Variants in HTT observed in about 807,000 individuals in gnomAD.
HTT encodes huntingtin.
In HTT, 104 loss-of-function variants were observed where a neutral mutation model predicts 362.3. The observed-to-expected ratio is 0.29, with a 90% CI of 0.24 to 0.34. The LOEUF (loss-of-function observed/expected upper bound fraction) is 0.34, where lower values mean the gene tolerates loss of function less well. Ranked by LOEUF, HTT falls within the 10% of genes least tolerant of loss-of-function variation. The pLI is 1.00. For synonymous variants in HTT, 1,577 were observed against 1,548.7 expected, an observed-to-expected ratio of 1.02 and a Z score of -0.43; for missense variants, 3,301 against 3,928.6, an observed-to-expected ratio of 0.84 and a Z score of 4.27.
At position 3,131,352 on chromosome 4, in the gene HTT, G is replaced by A. The variant is rs1452176742; in HGVS notation, c.2053G>A (p.Val685Ile). 1.2e-6 allele frequency: 2 copies of A among 1,613,924 alleles called. No individual in the cohort carries two copies. The highest frequency in any genetic ancestry group is 1.3e-5 in the African/African-American group (1 of 74,864). ...DDDSAPLVHC[V>I]RLLSASFLLT... ...TGACTCTGCACCTCTTGTCCATTGT[G>A]TCCGCCTTTTATCTGCTTCGTTTTT... Residue 685 changes from valine to isoleucine, a missense_variant, in exon 15 of 67, where the codon GTC becomes ATC. Transcript: ENST00000355072.
intron 1 of HTT, among the ~76,000 whole-genome samples, chr4:3,080,256 A>G (rs1465441078): frequency 6.6e-6 from 1 of 152,040 alleles, no homozygotes; most frequent in Non-Finnish European, 1.5e-5. Context: ...CACCATGCCC[A>G]GCTAATTTTT....
At chr4:3,217,334 A>T (rs1455035355) in intron 51 of HTT, among the ~76,000 whole-genome samples, 1 of 152,190 alleles carries the variant, frequency 6.6e-6, no homozygotes, top group Non-Finnish European at 1.5e-5. Context: ...GACCTAGGAA[A>T]GCCAGTGAAG....
intron 26 of HTT, among the ~76,000 whole-genome samples, chr4:3,151,816 C>T (rs1368843022): frequency 1.3e-5 from 2 of 152,230 alleles, no homozygotes; most frequent in Non-Finnish European, 2.9e-5. Context: ...ACACATAATA[C>T]ATGTACATAT....
chr4:3,217,915 TG>T lies in HTT; in HGVS notation c.7206del (p.Val2405SerfsTer52), dbSNP rs1720491108. 6.2e-7 allele frequency: 1 copy of T among 1,613,324 alleles called. No individual in the cohort carries two copies. ...AACATCATCATCAGCCTGGCCCGCC[TG>T]CCCCTTGTCAACAGCTACACACGTG... is the stretch of plus-strand genomic sequence containing the variant. The part of the protein sequence containing the change: ...LRNIIISLAR[L>X]PLVNSYTRVP... On this transcript the variant is annotated frameshift_variant, in exon 52 of 67. Coordinates refer to ENST00000355072, the MANE Select transcript of HTT (RefSeq NM_001388492.1). LOFTEE classifies it high-confidence loss of function.
In HTT at chr4:3,115,210, T is replaced by C. The variant is rs1280630518; in HGVS notation, c.748-94T>C. The C allele has an allele frequency of 3.1e-6, 4 of 1,294,172 alleles. No individual in the cohort carries two copies. In the African/African-American group the frequency reaches 4.4e-5, roughly 14 times the overall value. The allele number at this position is 1,294,172 out of a possible 1,614,324, so 80.2% of individuals were successfully genotyped here. On this transcript the variant is annotated intron_variant, in intron 6 of 66. Transcript: ENST00000355072. ...TCAAACTGTTTATACTTTGCAAGAA[T>C]TGGAAACTTCTAATTCACGTTAAGT... is the stretch of plus-strand genomic sequence containing the variant.
At chr4:3,230,078 A>C (rs1721177636) in intron 60 of HTT, 36 bp downstream of exon 60, 1 of 1,590,750 alleles carries the variant, frequency 6.3e-7, no homozygotes, top group Admixed American at 1.7e-5. Context: ...TCTGTGCTGA[A>C]GCCACGGGGG....
chr4:3,143,436 C>CAAAAAAAAAAAA (rs1056047426), intron 23 of HTT, among the ~76,000 whole-genome samples: 6 of 70,182 alleles, frequency 8.5e-5, no homozygotes, highest in Admixed American at 1.6e-4. Flanking sequence ...GACTCTGTCT[C>CAAAAAAAAAAAA]AAAAAAAAAA....
chr4:3,115,725 G>C (rs1460739537), intron 7 of HTT, among the ~76,000 whole-genome samples: 1 of 152,260 alleles, frequency 6.6e-6, no homozygotes, highest in Non-Finnish European at 1.5e-5. Flanking sequence ...ACTATGGTGA[G>C]TCTTGTAGGC....
In HTT at chr4:3,241,558, C is replaced by A. The variant is rs963329253; in HGVS notation, c.*1499C>A. The A allele has an allele frequency of 1.3e-5, 2 of 152,246 alleles. No homozygotes were observed. The highest frequency in any genetic ancestry group is 2.9e-5 in the Non-Finnish European group (2 of 68,066). The allele number at this position is 152,246 out of a possible 1,614,324, so 9.4% of individuals were successfully genotyped here. The stretch of plus-strand genomic sequence containing the variant: ...CTAGAGGCGAGCCAGGCAAGGTTGG[C>A]GACTGTCATGTGGCTTGGTTTGGTC... On this transcript the variant is annotated 3_prime_UTR_variant, in exon 67 of 67. Coordinates refer to ENST00000355072, the MANE Select transcript of HTT (RefSeq NM_001388492.1).
At chr4:3,105,540 C>A in intron 5 of HTT, 104 bp downstream of exon 5, 1 of 796,210 alleles carries the variant, frequency 1.3e-6, no homozygotes, top group Non-Finnish European at 2.2e-6. Flanking sequence ...CTGCCCTCTC[C>A]AAATTGCAGT....
At chr4:3,230,084 G>C (rs989393306) in intron 60 of HTT, 42 bp downstream of exon 60, 14 of 1,575,154 alleles carry the variant, frequency 8.9e-6, no homozygotes, top group East Asian at 2.2e-5. Flanking sequence ...CTGAAGCCAC[G>C]GGGGCCCATC....
intron 7 of HTT, 96 bp from the exon 8 acceptor site, chr4:3,115,989 C>T (rs1715004015): frequency 8.7e-7 from 1 of 1,148,136 alleles, no homozygotes; most frequent in East Asian, 2.4e-5. Flanking sequence ...TTTGTGCCAT[C>T]TTGATCTCTC....
intron 55 of HTT, among the ~76,000 whole-genome samples, 191 bp from the exon 56 acceptor site, chr4:3,223,801 G>A (rs1483991729): frequency 1.3e-5 from 2 of 152,234 alleles, no homozygotes; most frequent in African/African-American, 4.8e-5. Context: ...GACGTTAGCA[G>A]AGCAGGAATG....
chr4:3,077,580 C>T (rs985660452), intron 1 of HTT, among the ~76,000 whole-genome samples: 3 of 152,118 alleles, frequency 2.0e-5, no homozygotes, highest in African/African-American at 7.2e-5. Context: ...CCACCATGTC[C>T]AGCTAATTTT....
intron 41 of HTT, among the ~76,000 whole-genome samples, chr4:3,200,963 G>A (rs935860645): frequency 5.3e-5 from 8 of 152,318 alleles, no homozygotes; most frequent in Non-Finnish European, 1.0e-4. Flanking sequence ...AGATGGGCCT[G>A]CTTACTCTGA....
Position 3,240,176 on chromosome 4 carries a change from C to T in HTT, c.*117C>T, listed in dbSNP as rs1721743171. On this transcript the variant is annotated 3_prime_UTR_variant, in exon 67 of 67. Transcript: ENST00000355072. ...GGTCCCTATGGGCTTCCGCACATGC[C>T]GCGGGCGGCCAGGCAACGTGCGTGT... The T allele has an allele frequency of 6.0e-6, 5 of 834,650 alleles. No homozygotes were observed. Among genetic ancestry groups the T allele is most frequent in the South Asian group, 3.4e-5 (2 of 58,508 alleles). The allele number at this position is 834,650 out of a possible 1,614,324, so 51.7% of individuals were successfully genotyped here.
In HTT at chr4:3,145,235, A is replaced by G; in HGVS notation, c.3143+7A>G. Reference sequence around the variant, plus strand: ...GTTTAGGTTGGCACTGTGGGTATGTATTTTCCTCAGTATATATTAATAGTT... The same window carrying G: ...GTTTAGGTTGGCACTGTGGGTATGTGTTTTCCTCAGTATATATTAATAGTT... On this transcript the variant is annotated splice_region_variant and intron_variant, in intron 24 of 66. Transcript: ENST00000355072. 1 of 1,571,718 alleles carries G rather than the reference A, an allele frequency of 6.4e-7. No individual in the cohort carries two copies. Among genetic ancestry groups the G allele is most frequent in the Non-Finnish European group, 8.8e-7 (1 of 1,141,486 alleles).
chr4:3,095,102 G>A (rs186777665), intron 2 of HTT, among the ~76,000 whole-genome samples: 83 of 152,302 alleles, frequency 5.4e-4, no homozygotes, highest in African/African-American at 2.0e-3. Context: ...AGGCAGAAAC[G>A]CTCCTCACTT....
intron 5 of HTT, among the ~76,000 whole-genome samples, chr4:3,106,682 G>GT (rs145027973): frequency 5.3e-5 from 8 of 151,452 alleles, no homozygotes; most frequent in East Asian, 1.9e-4. Context: ...CCTCCTGATG[G>GT]TTTTTTTTTC....
Sources: allele counts gnomAD v4.1 joint callset (sites outside exome capture counted in the v4.1 genomes callset), GRCh38; gene constraint gnomAD v4.1.1; transcripts MANE v1.5; gene names NCBI Gene and HGNC (gene_info 2026-07-23, HGNC 2026-07-21).